FAM107A: variants seen among roughly 807,000 people sequenced by gnomAD.
FAM107A encodes actin-associated protein FAM107A.
In FAM107A, 19 loss-of-function variants were observed where a neutral mutation model predicts 13.7. That is an observed-to-expected ratio of 1.38 (90% CI 0.97 to 2.03). The LOEUF (loss-of-function observed/expected upper bound fraction) is 2.03, where lower values mean the gene tolerates loss of function less well. Ranked by LOEUF, FAM107A falls within the 30% of genes most tolerant of loss-of-function variation. The probability of loss-of-function intolerance (pLI) is 0.00; values close to 1 mark genes in which losing one functional copy is unlikely to be tolerated. For missense variants in FAM107A, 203 were observed against 184.4 expected, an observed-to-expected ratio of 1.10 and a Z score of -0.58; for synonymous variants, 82 against 74.5, an observed-to-expected ratio of 1.10 and a Z score of -0.52.
chr3:58,610,197 G>A lies in FAM107A; in HGVS notation c.-70+17219C>T, dbSNP rs541249406. Reference sequence around the variant, plus strand: ...ATCATGCTGAGTCATCTCATTACCCGCGTACAACCACCAGACTAAATGGGG... The same window carrying A: ...ATCATGCTGAGTCATCTCATTACCCACGTACAACCACCAGACTAAATGGGG... On this transcript the variant is annotated intron_variant, in intron 1 of 3. Transcript: ENST00000465970. Among the ~76,000 whole-genome samples the A allele has an allele frequency of 2.1e-4, 32 of 152,298 alleles. No homozygotes were observed. The South Asian group carries it at 5.0e-3, about 24-fold the overall frequency.
At chr3:58,573,837 C>T (rs577640933) in intron 1 of FAM107A, among the ~76,000 whole-genome samples, 10 of 152,300 alleles carry the variant, frequency 6.6e-5, no homozygotes, top group South Asian at 2.1e-4. Flanking sequence ...GGACACACCA[C>T]GCCCACTTAT....
chr3:58,600,247 A>G (rs2065742722), intron 1 of FAM107A, among the ~76,000 whole-genome samples: 1 of 152,084 alleles, frequency 6.6e-6, no homozygotes, highest in Admixed American at 6.6e-5. Context: ...CCTCACAGCA[A>G]CCTTTCAGGG....
chr3:58,591,087 G>A (rs950676689), upstream of FAM107A, among the ~76,000 whole-genome samples: 2 of 152,172 alleles, frequency 1.3e-5, no homozygotes, highest in Non-Finnish European at 2.9e-5. The surrounding 1 kb of genome is among the most constrained non-coding windows in gnomAD (Gnocchi z 4.3). Context: ...ACACAACAAA[G>A]GCCTCTGTTC....
At chr3:58,583,929 C>T (rs1041526478) in intron 1 of FAM107A, among the ~76,000 whole-genome samples, 1 of 152,130 alleles carries the variant, frequency 6.6e-6, no homozygotes. Context: ...GCATGAGTCA[C>T]CCAGTGTTAT....
chr3:58,625,165 A>AC (rs1188644679), intron 1 of FAM107A, among the ~76,000 whole-genome samples: 1 of 151,856 alleles, frequency 6.6e-6, no homozygotes, highest in African/African-American at 2.4e-5. Context: ...GACTGAACGG[A>AC]CCCCCTCTTG....
Position 58,570,253 on chromosome 3 carries a change from T to C in FAM107A, c.-5-388A>G, listed in dbSNP as rs1255578205. ...ATGAGCTTGTAACAGAAAAGGAAAA[T>C]ATATTTAAAAAGAGTAACATGTACT... On this transcript the variant is annotated intron_variant, in intron 1 of 3. Coordinates refer to ENST00000360997, the MANE Select transcript of FAM107A (RefSeq NM_001076778.3). 11 of 399,462 alleles carry C rather than the reference T, an allele frequency of 2.8e-5. No homozygotes were observed. In the Admixed American group the frequency reaches 6.9e-4, roughly 25 times the overall value. 24.7% of individuals were successfully genotyped at this position (399,462 alleles called of 1,614,324 possible).
intron 1 of FAM107A, among the ~76,000 whole-genome samples, chr3:58,592,413 C>T (rs1206149753): frequency 6.6e-6 from 1 of 152,176 alleles, no homozygotes; most frequent in Non-Finnish European, 1.5e-5. Flanking sequence ...ATTGACTTTA[C>T]TCACATGCCC....
chr3:58,605,941 A>C (rs188400811), intron 1 of FAM107A, among the ~76,000 whole-genome samples: 2 of 152,290 alleles, frequency 1.3e-5, no homozygotes, highest in Non-Finnish European at 2.9e-5. Flanking sequence ...ACTAAATGTC[A>C]CTGTCACTAT....
Position 58,570,619 on chromosome 3 carries a change from GAGAGAGAGAGAGAGAGAA to G in FAM107A, c.-5-772_-5-755del, listed in dbSNP as rs1206656062. Among the ~76,000 whole-genome samples the G allele has an allele frequency of 7.8e-5, 10 of 128,604 alleles. 1 individual carries two copies. The South Asian group carries it at 2.4e-3, about 31-fold the overall frequency. 84.4% of individuals were successfully genotyped at this position (128,604 alleles called of 152,430 possible). On this transcript the variant is annotated intron_variant, in intron 1 of 3. Coordinates refer to ENST00000360997, the MANE Select transcript of FAM107A (RefSeq NM_001076778.3). ...AGAGAGAGAGAGAGAGAGAGAGAGA[GAGAGAGAGAGAGAGAGAA>G]AGAGACTGACTTAAAAAAAAAAAGG...
chr3:58,580,573 C>G (rs1036986143), upstream of FAM107A, among the ~76,000 whole-genome samples: 2 of 151,850 alleles, frequency 1.3e-5, no homozygotes, highest in Non-Finnish European at 2.9e-5. Flanking sequence ...TGCCACCACA[C>G]CCAGCTAATT....
intron 1 of FAM107A, among the ~76,000 whole-genome samples, chr3:58,597,818 A>T (rs183660458): frequency 2.0e-5 from 3 of 152,238 alleles, no homozygotes; most frequent in East Asian, 3.9e-4. Flanking sequence ...ACACAGCTGG[A>T]TGGAAATAAA....
chr3:58,584,891 G>T (rs758554272), intron 1 of FAM107A, among the ~76,000 whole-genome samples: 9 of 152,086 alleles, frequency 5.9e-5, no homozygotes, highest in Non-Finnish European at 1.0e-4. Context: ...CCCCCCTCCC[G>T]CCCTGTGGAG....
intron 1 of FAM107A, among the ~76,000 whole-genome samples, chr3:58,622,124 G>T (rs1235558834): frequency 6.6e-6 from 1 of 152,180 alleles, no homozygotes; most frequent in African/African-American, 2.4e-5. Flanking sequence ...ACTTTGCTGG[G>T]CTGTGGATGT....
At chr3:58,584,602 T>G (rs1159682521) in intron 1 of FAM107A, among the ~76,000 whole-genome samples, 2 of 152,184 alleles carry the variant, frequency 1.3e-5, no homozygotes, top group Non-Finnish European at 2.9e-5. Flanking sequence ...CAATTGGCAG[T>G]GTCCTTCTGA....
At chr3:58,610,332 T>C (rs2065841317) in intron 1 of FAM107A, among the ~76,000 whole-genome samples, 1 of 152,204 alleles carries the variant, frequency 6.6e-6, no homozygotes, top group South Asian at 2.1e-4. Context: ...GTTTGTCTCA[T>C]GCCGGACCCC....
rs2063624477 is a variant in FAM107A, at chr3:58,566,632, G to T, written c.391C>A (p.Leu131Met). The T allele has an allele frequency of 6.2e-7, 1 of 1,613,930 alleles. No homozygotes were observed. Among genetic ancestry groups the T allele is most frequent in the African/African-American group, 1.3e-5 (1 of 74,926 alleles). The change falls in exon 4 of 4, where the codon CTG becomes ATG. Residue 131 changes from leucine (L) to methionine (M), a missense_variant. Coordinates refer to ENST00000360997, the MANE Select transcript of FAM107A (RefSeq NM_001076778.3). ...APEFIKVREN[L>M]RRIATLTSEE... ...CTGGTCAGTGTGGCAATTCTCCGCA[G>T]GTTTTCCCTGACTTTAATAAACTCG...
exon 1 of FAM107A, chr3:58,586,939 C>T (rs766696987): frequency 3.3e-6 from 5 of 1,527,932 alleles, no homozygotes; most frequent in South Asian, 1.2e-5. Context: ...TGCGCCATGC[C>T]CCCGCGCCTC....
At chr3:58,589,276 A>G, upstream of FAM107A, 1 of 1,528,750 alleles carries the variant, frequency 6.5e-7, no homozygotes, top group Non-Finnish European at 8.8e-7. Flanking sequence ...TTTTCTGTAA[A>G]CAGAAAGAAA....
chr3:58,582,005 T>C (rs1298345211), upstream of FAM107A, among the ~76,000 whole-genome samples: 9 of 152,094 alleles, frequency 5.9e-5, no homozygotes, highest in South Asian at 1.0e-3. Flanking sequence ...TGTGTGTGTG[T>C]GCGTGTGTGT....
Sources: gnomAD v4.1 joint callset for allele counts (sites outside exome capture counted in the v4.1 genomes callset) on GRCh38, gnomAD v4.1.1 for gene constraint, Gnocchi (gnomAD v3.1) non-coding constraint, MANE v1.5 for transcripts, NCBI Gene and HGNC (gene_info 2026-07-23, HGNC 2026-07-21) for gene names.